LRRIQ1: variants seen among roughly 807,000 people sequenced by gnomAD.
The protein encoded by LRRIQ1 is leucine rich repeats and IQ motif containing 1, also known as leucine-rich repeat- and IQ domain-containing protein 1.
LRRIQ1 carries 210 observed loss-of-function variants against 211.9 expected under a neutral mutation model. That is an observed-to-expected ratio of 0.99 (90% CI 0.89 to 1.11). LRRIQ1 has a LOEUF of 1.11. LRRIQ1 is among the 50% of genes most tolerant of loss of function. LRRIQ1 has a pLI of 0.00. For synonymous variants in LRRIQ1, 699 were observed against 650.1 expected (o/e 1.08, Z -1.14); for missense variants, 2,136 against 1,939.5 (o/e 1.10, Z -1.90).
At chr12:85,151,817 C>CT (rs1302785715) in intron 19 of LRRIQ1, among the ~76,000 whole-genome samples, 4 of 151,384 alleles carry the variant, frequency 2.6e-5, no homozygotes, top group Admixed American at 2.6e-4. Context: ...TTTTTTTACT[C>CT]TATTCAGAAA....
At chr12:85,088,937 T>C (rs1397781015) in intron 11 of LRRIQ1, among the ~76,000 whole-genome samples, 2 of 152,202 alleles carry the variant, frequency 1.3e-5, no homozygotes, top group African/African-American at 4.8e-5. Flanking sequence ...TTTATTTCTT[T>C]CTTCTGCCTG....
rs527616338 is a variant in LRRIQ1, at chr12:85,073,042, C to A, written c.2831C>A (p.Thr944Asn). ...TGLCWSWIPI[T>N]SLTKNSDCNF... The stretch of plus-strand genomic sequence containing the variant: ...TTATGTTGGTCCTGGATACCTATTA[C>A]CTCACTTACAAAAAATTCAGATTGT... The change falls in exon 11 of 27, where the codon ACC (threonine) becomes AAC (asparagine). Residue 944 changes from threonine to asparagine, a missense_variant. By Grantham distance (65) the Thr-to-Asn change is moderately conservative. Transcript: ENST00000393217. The A allele has an allele frequency of 6.2e-7, 1 of 1,610,962 alleles. No individual in the cohort carries two copies. The highest frequency in any genetic ancestry group is 8.5e-7 in the Non-Finnish European group (1 of 1,178,328).
intron 24 of LRRIQ1, among the ~76,000 whole-genome samples, chr12:85,181,948 T>G (rs1892000376): frequency 6.6e-6 from 1 of 152,104 alleles, no homozygotes; most frequent in Admixed American, 6.6e-5. Flanking sequence ...TTGATATATT[T>G]CTGTTACTAC....
chr12:85,196,568 C>A (rs1411143296), intron 24 of LRRIQ1, among the ~76,000 whole-genome samples: 6 of 151,216 alleles, frequency 4.0e-5, no homozygotes, highest in African/African-American at 1.2e-4. Flanking sequence ...GAAAAACAAG[C>A]AATGGGGAAA....
In LRRIQ1 at chr12:85,038,282, G is replaced by A. The variant is rs970896907; in HGVS notation, c.106G>A (p.Glu36Lys). The change falls in exon 2 of 27, where the codon GAA becomes AAA. Residue 36 changes from glutamate to lysine, a missense_variant. By Grantham distance (56) the Glu-to-Lys change is moderately conservative (BLOSUM62 1). Transcript: ENST00000393217. Reference protein sequence around the residue: ...KEDIESDAKSETQSDDSDTDS... With the variant: ...KEDIESDAKSKTQSDDSDTDS... ...AGACATTGAGAGTGATGCAAAATCA[G>A]AAACCCAGAGTGATGATAGTGATAC... The A allele has an allele frequency of 6.3e-6, 10 of 1,582,112 alleles. No homozygotes were observed. The highest frequency in any genetic ancestry group is 1.4e-5 in the African/African-American group (1 of 73,450).
At chr12:85,230,170 A>G (rs1192947928) in intron 25 of LRRIQ1, among the ~76,000 whole-genome samples, 1 of 152,210 alleles carries the variant, frequency 6.6e-6, no homozygotes, top group Non-Finnish European at 1.5e-5. Flanking sequence ...TATATTCTCT[A>G]GCAACAAGGT....
chr12:85,065,866 G>C (rs1882373834), intron 9 of LRRIQ1, among the ~76,000 whole-genome samples: 1 of 151,864 alleles, frequency 6.6e-6, no homozygotes, highest in Admixed American at 6.6e-5. Context: ...TGCTGCCTTG[G>C]CAGGATTGTC....
At chr12:85,074,515 T>G (rs536491527) in intron 11 of LRRIQ1, among the ~76,000 whole-genome samples, 2 of 152,118 alleles carry the variant, frequency 1.3e-5, no homozygotes, top group African/African-American at 4.8e-5. Flanking sequence ...GCTGTTGTGC[T>G]ATCAGATAGT....
chr12:85,128,445 C>G (rs937723120), intron 18 of LRRIQ1, among the ~76,000 whole-genome samples: 23 of 152,006 alleles, frequency 1.5e-4, no homozygotes, highest in African/African-American at 5.6e-4. Context: ...ACAAAAAATA[C>G]AAAAATTAGG....
chr12:85,137,197 G>T (rs1889196972), intron 18 of LRRIQ1, among the ~76,000 whole-genome samples: 1 of 150,458 alleles, frequency 6.6e-6, no homozygotes, highest in South Asian at 2.1e-4. Context: ...TTTCTCCCTT[G>T]GTTTTTACAC....
chr12:85,260,326 A>G (rs962987911), intron 1 of LRRIQ1, among the ~76,000 whole-genome samples: 10 of 151,988 alleles, frequency 6.6e-5, no homozygotes, highest in African/African-American at 2.2e-4. Context: ...AAAAATAAAT[A>G]AAATGAAGAA....
intron 24 of LRRIQ1, among the ~76,000 whole-genome samples, chr12:85,209,437 T>A (rs1207638234): frequency 6.6e-6 from 1 of 152,168 alleles, no homozygotes; most frequent in East Asian, 1.9e-4. Context: ...TTACCTCCCA[T>A]CAGATTTCTA....
chr12:85,228,203 A>T (rs1266160996), intron 24 of LRRIQ1, among the ~76,000 whole-genome samples: 1 of 152,246 alleles, frequency 6.6e-6, no homozygotes, highest in Non-Finnish European at 1.5e-5. Flanking sequence ...GCTTCTGCAC[A>T]GCAAAAGAAA....
At chr12:85,144,789 A>T in intron 19 of LRRIQ1, among the ~76,000 whole-genome samples, 1 of 151,642 alleles carries the variant, frequency 6.6e-6, no homozygotes, top group East Asian at 1.9e-4. Context: ...GGAGTTAAAT[A>T]TTGTTCATAT....
chr12:85,106,101 T>C (rs1886765172), intron 14 of LRRIQ1, among the ~76,000 whole-genome samples: 1 of 152,150 alleles, frequency 6.6e-6, no homozygotes, highest in African/African-American at 2.4e-5. Flanking sequence ...CGGCCCTATA[T>C]TGACTTTTTT....
chr12:85,271,006 A>G, the LRRIQ1 span, among the ~76,000 whole-genome samples: 1 of 152,226 alleles, frequency 6.6e-6, no homozygotes, highest in African/African-American at 2.4e-5. Context: ...ATAGGCTAGA[A>G]TGATACAATA....
rs144608973 is a variant in LRRIQ1 at position 85,044,260 on chromosome 12, C to G, written c.245-458C>G. 4.5e-3 allele frequency among the ~76,000 whole-genome samples: 689 copies of G among 152,064 alleles called. 6 individuals carry two copies. The highest frequency in any genetic ancestry group is 0.016 in the African/African-American group (661 of 41,524). On this transcript the variant is annotated intron_variant, in intron 3 of 26. Transcript: ENST00000393217. ...TTAAAAATTATAAAATTCAACAACTCATAAAATAAGAAATATAATTCCTCT... is the reference window on the plus strand; with the variant it reads ...TTAAAAATTATAAAATTCAACAACTGATAAAATAAGAAATATAATTCCTCT...
chr12:85,234,949 G>GACTGAC (rs1276629908), intron 26 of LRRIQ1, among the ~76,000 whole-genome samples: 4 of 152,114 alleles, frequency 2.6e-5, no homozygotes, highest in Non-Finnish European at 4.4e-5. Flanking sequence ...ACAATAATTA[G>GACTGAC]ACTGACAGCT....
chr12:85,137,887 C>T lies in LRRIQ1; in HGVS notation c.4247C>T (p.Thr1416Ile), dbSNP rs753117473. The change falls in exon 19 of 27, where the codon ACA (threonine) becomes ATA (isoleucine). Residue 1416 changes from threonine (T) to isoleucine (I), a missense_variant. Coordinates refer to ENST00000393217, the MANE Select transcript of LRRIQ1 (RefSeq NM_001079910.2). ...WKGFILRKKL[T>I]TALEAIKNEE... is the part of the protein sequence containing the mutation. ...GGCTTTATTTTGCGAAAGAAACTGA[C>T]AACAGCTCTAGAGGCTATTAAGAAT... 3 of 1,592,818 alleles carry T rather than the reference C, an allele frequency of 1.9e-6. No homozygotes were observed. The highest frequency in any genetic ancestry group is 2.6e-6 in the Non-Finnish European group (3 of 1,168,882).
Sources: allele counts gnomAD v4.1 joint callset (sites outside exome capture counted in the v4.1 genomes callset), GRCh38; gene constraint gnomAD v4.1.1; transcripts MANE v1.5; gene names NCBI Gene and HGNC (gene_info 2026-07-23, HGNC 2026-07-21).